The following CNOT6L variants were observed in gnomAD, a reference collection of about 807,000 sequenced individuals.
CNOT6L encodes the protein CCR4-NOT transcription complex subunit 6-like.
CNOT6L carries 7 observed loss-of-function variants against 64.0 expected under a neutral mutation model. The ratio of observed to expected loss-of-function variants is 0.11; its 90% confidence interval spans 0.06 to 0.21. The LOEUF is 0.21. CNOT6L is among the 10% of genes least tolerant of loss of function. The pLI is 1.00. For missense variants in CNOT6L, 245 were observed against 669.0 expected (o/e 0.37, Z 6.99); for synonymous variants, 193 against 243.4 (o/e 0.79, Z 1.93).
chr4:77,807,225 C>A (rs1300243659), intron 1 of CNOT6L, among the ~76,000 whole-genome samples: 2 of 146,704 alleles, frequency 1.4e-5, no homozygotes, highest in African/African-American at 2.6e-5. Context: ...TTGCAGTGAG[C>A]CGAGATCGCG....
rs545646665 is a variant in CNOT6L at position 77,714,303 on chromosome 4, A to C, written c.*6128T>G. ...AACGATAAATTGAGTGGAAAAGTAGATTGTCCCATGGACAATTAGTTGGCA... is the reference window on the plus strand; with the variant it reads ...AACGATAAATTGAGTGGAAAAGTAGCTTGTCCCATGGACAATTAGTTGGCA... On this transcript the variant is annotated 3_prime_UTR_variant, in exon 12 of 12. Coordinates refer to ENST00000504123, the MANE Select transcript of CNOT6L (RefSeq NM_144571.3). The C allele has an allele frequency of 3.9e-5, 6 of 152,626 alleles. No homozygotes were observed. Among genetic ancestry groups the C allele is most frequent in the African/African-American group, 1.2e-4 (5 of 41,544 alleles). The allele number at this position is 152,626 out of a possible 1,614,324, so 9.5% of individuals were successfully genotyped here. A position where few individuals can be genotyped will look rare whatever the true frequency, so the allele number is the denominator to read the frequency against.
chr4:77,743,586 C>CTTTTTTTTTTTTTTTTTTTTT (rs142888128), intron 7 of CNOT6L, among the ~76,000 whole-genome samples: 2 of 70,872 alleles, frequency 2.8e-5, no homozygotes, highest in African/African-American at 6.8e-5. Context: ...TAACACACAA[C>CTTTTTTTTTTTTTTTTTTTTT]TTTTTTTTTT....
chr4:77,747,761 T>A (rs1486409934), intron 6 of CNOT6L, among the ~76,000 whole-genome samples: 2 of 152,180 alleles, frequency 1.3e-5, no homozygotes, highest in African/African-American at 4.8e-5. Context: ...CTAGATTATA[T>A]CCTTATATTG....
intron 6 of CNOT6L, among the ~76,000 whole-genome samples, chr4:77,747,648 TAAAA>T (rs1724355742): frequency 1.3e-5 from 2 of 152,200 alleles, no homozygotes; most frequent in Non-Finnish European, 2.9e-5. Flanking sequence ...TTCCCAAGCC[TAAAA>T]TGTCAAATAT....
intron 1 of CNOT6L, among the ~76,000 whole-genome samples, chr4:77,800,319 T>C (rs917268948): frequency 2.6e-5 from 4 of 151,950 alleles, no homozygotes; most frequent in East Asian, 1.9e-4. Context: ...CTGGGCAACA[T>C]AGTGAGACCC....
intron 4 of CNOT6L, among the ~76,000 whole-genome samples, chr4:77,770,379 C>T (rs78544306): frequency 5.3e-5 from 8 of 152,230 alleles, no homozygotes; most frequent in African/African-American, 1.9e-4. Flanking sequence ...CATAATATGG[C>T]TAATAAAACT....
At chr4:77,816,025 T>TTC (rs1460238442) in intron 1 of CNOT6L, among the ~76,000 whole-genome samples, 1 of 152,246 alleles carries the variant, frequency 6.6e-6, no homozygotes, top group African/African-American at 2.4e-5. Flanking sequence ...AGTATTCCAA[T>TTC]TCTCCCAAAT....
rs1339799740 is a variant in CNOT6L at position 77,719,671 on chromosome 4, A to C, written c.*760T>G. 1 of 152,628 alleles carries C rather than the reference A, an allele frequency of 6.6e-6. No homozygotes were observed. Among genetic ancestry groups the C allele is most frequent in the Non-Finnish European group, 1.5e-5 (1 of 68,042 alleles). The allele number at this position is 152,628 out of a possible 1,614,324, so 9.5% of individuals were successfully genotyped here. On this transcript the variant is annotated 3_prime_UTR_variant, in exon 12 of 12. Coordinates refer to ENST00000504123, the MANE Select transcript of CNOT6L (RefSeq NM_144571.3). ...ATTTTCAAGGTATGTGGCAATACAGATTACTTACTTTTTCTCTATAAATAA... is the reference window on the plus strand; with the variant it reads ...ATTTTCAAGGTATGTGGCAATACAGCTTACTTACTTTTTCTCTATAAATAA...
chr4:77,791,918 T>C (rs959413185), intron 1 of CNOT6L, among the ~76,000 whole-genome samples: 1 of 152,144 alleles, frequency 6.6e-6, no homozygotes, highest in African/African-American at 2.4e-5. Context: ...TATATATACT[T>C]GAAGCATAAA....
chr4:77,797,102 C>CAAA (rs386400560), intron 1 of CNOT6L, among the ~76,000 whole-genome samples: 3,142 of 52,956 alleles, frequency 0.059, 659 homozygotes, highest in African/African-American at 0.11. Flanking sequence ...GACCTTGTCT[C>CAAA]AAAAAAAAAA....
chr4:77,729,182 A>C (rs1346897747), intron 9 of CNOT6L, 101 bp from the exon 10 acceptor site: 11 of 789,178 alleles, frequency 1.4e-5, no homozygotes, highest in Admixed American at 4.8e-5. Context: ...CTACTTCTTT[A>C]CTCTTTTCCA....
intron 4 of CNOT6L, among the ~76,000 whole-genome samples, chr4:77,771,909 TTAAC>T (rs1364913796): frequency 5.9e-5 from 9 of 152,340 alleles, no homozygotes; most frequent in East Asian, 1.9e-4. Flanking sequence ...AAGAAAATGT[TTAAC>T]TAATACAGAA....
At chr4:77,791,198 C>T (rs1024561105) in intron 1 of CNOT6L, among the ~76,000 whole-genome samples, 1 of 152,062 alleles carries the variant, frequency 6.6e-6, no homozygotes, top group Non-Finnish European at 1.5e-5. Flanking sequence ...AAATCACAAA[C>T]CCGGGAAGTG....
At chr4:77,796,896 C>T (rs936490640) in intron 1 of CNOT6L, among the ~76,000 whole-genome samples, 1 of 151,914 alleles carries the variant, frequency 6.6e-6, no homozygotes, top group Non-Finnish European at 1.5e-5. Context: ...GCCTGGACAA[C>T]ATGGCAAAAC....
intron 4 of CNOT6L, among the ~76,000 whole-genome samples, chr4:77,763,037 CAGAAT>C (rs1304278235): frequency 6.6e-6 from 1 of 151,734 alleles, no homozygotes; most frequent in Non-Finnish European, 1.5e-5. Flanking sequence ...AGTCTAGAAA[CAGAAT>C]AGAGCAATTT....
Position 77,718,855 on chromosome 4 carries a change from TTAAA to T in CNOT6L, c.*1572_*1575del, listed in dbSNP as rs1247928684. 11 of 152,602 alleles carry T rather than the reference TTAAA, an allele frequency of 7.2e-5. No homozygotes were observed. The highest frequency in any genetic ancestry group is 1.9e-4 in the East Asian group (1 of 5,200). The allele number at this position is 152,602 out of a possible 1,614,324, so 9.5% of individuals were successfully genotyped here. On this transcript the variant is annotated 3_prime_UTR_variant, in exon 12 of 12. Transcript: ENST00000504123. ...ACAAATTGTGTATATTTAAAACTAA[TTAAA>T]TAATTTAAATTTGACCTATACTTTA...
chr4:77,807,276 C>CAAA (rs58452605), intron 1 of CNOT6L, among the ~76,000 whole-genome samples: 6,251 of 108,032 alleles, frequency 0.058, 451 homozygotes, highest in African/African-American at 0.14. Flanking sequence ...GACTCCATCT[C>CAAA]AAAAAAAAAA....
At chr4:77,731,304 G>T in intron 9 of CNOT6L, 83 bp downstream of exon 9, 1 of 1,362,910 alleles carries the variant, frequency 7.3e-7, no homozygotes, top group Non-Finnish European at 1.0e-6. Context: ...ATAAATAACG[G>T]CAAAATTCTC....
chr4:77,760,860 CTTTTTTTTTTTTTTTTTTTTTTTTTTTTT>C (rs754195745), intron 4 of CNOT6L, among the ~76,000 whole-genome samples: 2 of 29,978 alleles, frequency 6.7e-5, no homozygotes, highest in African/African-American at 1.4e-4. Context: ...CCATGCCTGG[CTTTTTTTTTTTTTTTTTTTTTTTTTTTTT>C]TTTTTTAAGG....
Sources: gnomAD v4.1 joint callset for allele counts (sites outside exome capture counted in the v4.1 genomes callset) on GRCh38, gnomAD v4.1.1 for gene constraint, MANE v1.5 for transcripts, NCBI Gene and HGNC (gene_info 2026-07-23, HGNC 2026-07-21) for gene names.